The following RALGAPA2 variants were observed in gnomAD, a reference collection of about 807,000 sequenced individuals.
The protein encoded by RALGAPA2 is Ral GTPase activating protein catalytic subunit alpha 2.
Under a neutral mutation model 230.4 loss-of-function variants are expected in RALGAPA2, and 139 were observed. The ratio of observed to expected loss-of-function variants is 0.60; its 90% CI spans 0.53 to 0.69. The LOEUF (loss-of-function observed/expected upper bound fraction) is 0.69. RALGAPA2 is among the 30% of genes least tolerant of loss of function. The probability of loss-of-function intolerance (pLI) is 0.00; values close to 1 mark genes in which losing one functional copy is unlikely to be tolerated. For synonymous variants in RALGAPA2, 847 were observed against 837.8 expected (o/e 1.01, Z -0.19); for missense variants, 2,163 against 2,276.0 (o/e 0.95, Z 1.01).
chr20:20,561,480 C>A (rs1040349964), intron 23 of RALGAPA2, among the ~76,000 whole-genome samples: 1 of 152,202 alleles, frequency 6.6e-6, no homozygotes, highest in African/African-American at 2.4e-5. Context: ...GGCTTCCAGA[C>A]AAAATTCATC....
intron 33 of RALGAPA2, 46 bp downstream of exon 33, chr20:20,511,208 C>T (rs955704669): frequency 1.4e-5 from 21 of 1,546,250 alleles, no homozygotes; most frequent in Admixed American, 2.0e-5. Flanking sequence ...TCCAAGAATA[C>T]CCAAAGACAA....
intron 1 of RALGAPA2, among the ~76,000 whole-genome samples, chr20:20,681,126 T>A (rs2068505004): frequency 6.6e-6 from 1 of 152,102 alleles, no homozygotes; most frequent in Non-Finnish European, 1.5e-5. Flanking sequence ...GACTTCCTGT[T>A]ACGGGATGAG....
At chr20:20,614,794 C>T (rs1008069536) in intron 13 of RALGAPA2, among the ~76,000 whole-genome samples, 1 of 152,176 alleles carries the variant, frequency 6.6e-6, no homozygotes, top group African/African-American at 2.4e-5. Flanking sequence ...CTACCAACTG[C>T]AGACACTTTC....
intron 9 of RALGAPA2, among the ~76,000 whole-genome samples, chr20:20,635,004 G>A (rs1332534626): frequency 6.6e-6 from 1 of 152,160 alleles, no homozygotes. Flanking sequence ...ATGCCAGAGG[G>A]TGCTCGGCAG....
intron 23 of RALGAPA2, among the ~76,000 whole-genome samples, chr20:20,552,376 G>GA (rs534705746): frequency 0.01 from 1,542 of 152,240 alleles, 17 homozygotes; most frequent in South Asian, 0.034. Flanking sequence ...ATCTGCATAT[G>GA]AAAAATCACT....
chr20:20,531,345 C>G (rs2063361010), intron 27 of RALGAPA2, among the ~76,000 whole-genome samples: 1 of 152,212 alleles, frequency 6.6e-6, no homozygotes, highest in Non-Finnish European at 1.5e-5. Flanking sequence ...GTGTGGAGGC[C>G]TCTCCCAGGC....
intron 23 of RALGAPA2, among the ~76,000 whole-genome samples, chr20:20,568,112 C>T (rs78170926): frequency 0.071 from 10,842 of 151,956 alleles, 527 homozygotes; most frequent in East Asian, 0.16. Context: ...ACAGGCAGGC[C>T]GGGTAGCCCT....
chr20:20,552,256 C>A (rs1363925422), intron 23 of RALGAPA2, among the ~76,000 whole-genome samples: 1 of 152,192 alleles, frequency 6.6e-6, no homozygotes, highest in African/African-American at 2.4e-5. Flanking sequence ...TGTCTCCCTG[C>A]CTTTCCTTCG....
chr20:20,636,827 T>A (rs758911926), intron 8 of RALGAPA2, among the ~76,000 whole-genome samples: 5 of 152,294 alleles, frequency 3.3e-5, no homozygotes, highest in African/African-American at 4.8e-5. Flanking sequence ...AGGAGCCAAA[T>A]TGGAAATTCC....
intron 1 of RALGAPA2, among the ~76,000 whole-genome samples, chr20:20,695,167 ATGT>A (rs760320057): frequency 4.9e-4 from 74 of 152,180 alleles, no homozygotes; most frequent in Admixed American, 2.4e-3. Flanking sequence ...CAATTCTAAA[ATGT>A]TGTAAAAAAC....
intron 8 of RALGAPA2, 32 bp downstream of exon 8, chr20:20,637,331 T>C: frequency 6.7e-7 from 1 of 1,495,372 alleles, no homozygotes; most frequent in Non-Finnish European, 8.9e-7. Context: ...TTCCTTTGGA[T>C]ATCCTCTATA....
At chr20:20,527,085 C>A (rs2063224954) in intron 27 of RALGAPA2, among the ~76,000 whole-genome samples, 2 of 152,176 alleles carry the variant, frequency 1.3e-5, no homozygotes, top group South Asian at 4.1e-4. Flanking sequence ...AGGGCACCCT[C>A]TGCTTCCCTC....
intron 36 of RALGAPA2, among the ~76,000 whole-genome samples, chr20:20,482,084 C>G (rs931846192): frequency 6.6e-6 from 1 of 152,100 alleles, no homozygotes; most frequent in Non-Finnish European, 1.5e-5. Flanking sequence ...CTCTAAAATA[C>G]CAGAAGATAG....
At chr20:20,510,785 T>C (rs1429577450) in intron 33 of RALGAPA2, among the ~76,000 whole-genome samples, 1 of 152,310 alleles carries the variant, frequency 6.6e-6, no homozygotes, top group Non-Finnish European at 1.5e-5. Flanking sequence ...CAGAGAGTTA[T>C]TAATTACAAC....
At chr20:20,620,191 A>T (rs1442235868) in intron 11 of RALGAPA2, among the ~76,000 whole-genome samples, 1 of 152,254 alleles carries the variant, frequency 6.6e-6, no homozygotes, top group African/African-American at 2.4e-5. Flanking sequence ...ATGATGGCTT[A>T]TTAAACAACT....
chr20:20,592,795 C>A (rs1012152137), intron 16 of RALGAPA2, among the ~76,000 whole-genome samples: 1 of 152,140 alleles, frequency 6.6e-6, no homozygotes, highest in African/African-American at 2.4e-5. Context: ...GAAGATTCTA[C>A]ATTTAATACA....
chr20:20,641,603 AG>A (rs1224292244), intron 5 of RALGAPA2, among the ~76,000 whole-genome samples: 3 of 152,094 alleles, frequency 2.0e-5, no homozygotes, highest in Non-Finnish European at 4.4e-5. Flanking sequence ...TCCCATTCCT[AG>A]AATTCAAAAG....
At chr20:20,589,896 A>AAT (rs1441094400) in intron 17 of RALGAPA2, among the ~76,000 whole-genome samples, 4 of 151,570 alleles carry the variant, frequency 2.6e-5, no homozygotes, top group African/African-American at 9.7e-5. Context: ...AAAAAAAAAA[A>AAT]TTTTTTTCTA....
In RALGAPA2 at chr20:20,680,540, A is replaced by C. The variant is rs1174442939; in HGVS notation, c.217+151T>G. The stretch of plus-strand genomic sequence containing the variant: ...ATATAAGTGAAAGCTCAAGAGAAAC[A>C]AAGATGCCACCCTGTCCACCATGCT... On this transcript the variant is annotated intron_variant, in intron 2 of 39. Transcript: ENST00000202677. 3.4e-6 allele frequency: 4 copies of C among 1,179,346 alleles called. No homozygotes were observed. The African/African-American group carries it at 6.5e-5, about 19-fold the overall frequency. 73.1% of individuals were successfully genotyped at this position (1,179,346 alleles called of 1,614,324 possible).
Sources: allele counts gnomAD v4.1 joint callset (sites outside exome capture counted in the v4.1 genomes callset), GRCh38; gene constraint gnomAD v4.1.1; transcripts MANE v1.5; gene names NCBI Gene and HGNC (gene_info 2026-07-23, HGNC 2026-07-21).